CADM2: variants seen among roughly 807,000 people sequenced by gnomAD.
The protein encoded by CADM2 is immunoglobulin superfamily member 4D.
Under a neutral mutation model 49.8 loss-of-function variants are expected in CADM2, and 12 were observed. The observed-to-expected ratio is 0.24, with a 90% CI of 0.15 to 0.39. The LOEUF is 0.39. CADM2 is among the 10% of genes least tolerant of loss of function. The pLI, the probability that CADM2 is intolerant of heterozygous loss-of-function variation, is 1.00. For synonymous variants in CADM2, 214 were observed against 175.4 expected (o/e 1.22, Z -1.74); for missense variants, 378 against 492.3 (o/e 0.77, Z 2.20).
chr3:85,068,541 G>C (rs1300697121), intron 1 of CADM2, among the ~76,000 whole-genome samples: 1 of 152,140 alleles, frequency 6.6e-6, no homozygotes, highest in Non-Finnish European at 1.5e-5. Context: ...GGCCTATTTA[G>C]TCAGACAGTA....
chr3:85,016,842 A>C (rs193146337), intron 1 of CADM2, among the ~76,000 whole-genome samples: 1 of 152,226 alleles, frequency 6.6e-6, no homozygotes, highest in African/African-American at 2.4e-5. Flanking sequence ...GAAAAACTCC[A>C]AACTACAGCC....
intron 1 of CADM2, among the ~76,000 whole-genome samples, chr3:85,033,383 A>G (rs2035073442): frequency 6.6e-6 from 1 of 152,188 alleles, no homozygotes; most frequent in African/African-American, 2.4e-5. Flanking sequence ...AGAGACAGAT[A>G]TAACTAAATG....
intron 1 of CADM2, among the ~76,000 whole-genome samples, chr3:85,363,875 T>G (rs562309248): frequency 6.6e-6 from 1 of 151,256 alleles, no homozygotes; most frequent in African/African-American, 2.4e-5. Context: ...CCTCCTAAAG[T>G]GCTGGGATTA....
At chr3:86,042,982 T>A (rs1736153561) in intron 8 of CADM2, among the ~76,000 whole-genome samples, 1 of 152,164 alleles carries the variant, frequency 6.6e-6, no homozygotes, top group East Asian at 1.9e-4. Context: ...CAAAAACCAC[T>A]TGATTACCTC....
In CADM2 at chr3:85,232,278, T is replaced by G. The variant is rs534428213; in HGVS notation, c.61+272610T>G. On this transcript the variant is annotated intron_variant, in intron 1 of 9. Coordinates refer to ENST00000383699, the MANE Select transcript of CADM2 (RefSeq NM_001167675.2). The stretch of plus-strand genomic sequence containing the variant: ...TTTAAAACTGCCAGGGAAAGATCCT[T>G]GGGGACAACATGATCTTGAGCATTT... Among the ~76,000 whole-genome samples, 16 of 152,184 alleles carry G rather than the reference T, an allele frequency of 1.1e-4. 1 individual carries two copies. The highest frequency in any genetic ancestry group is 3.6e-4 in the African/African-American group (15 of 41,552).
intron 1 of CADM2, among the ~76,000 whole-genome samples, chr3:85,562,660 ATC>A (rs1204549481): frequency 6.6e-6 from 1 of 152,090 alleles, no homozygotes; most frequent in Non-Finnish European, 1.5e-5. Flanking sequence ...ACATGCAATC[ATC>A]TCTTTCTCTA....
At chr3:85,235,111 T>G (rs1471080888) in intron 1 of CADM2, among the ~76,000 whole-genome samples, 1 of 152,086 alleles carries the variant, frequency 6.6e-6, no homozygotes, top group Non-Finnish European at 1.5e-5. Context: ...CTACAATCTG[T>G]TAAGGGAGAT....
At position 85,078,686 on chromosome 3, in the gene CADM2, C is replaced by CT. The variant is rs575758969; in HGVS notation, c.61+119028dup. On this transcript the variant is annotated intron_variant, in intron 1 of 9. Coordinates refer to ENST00000383699, the MANE Select transcript of CADM2 (RefSeq NM_001167675.2). ...GAAATGCCCCATTCTTTCTTTCTTT[C>CT]TTTTTTTTTTCTCTTAAAATGAGCC... is the stretch of plus-strand genomic sequence containing the variant. Among the ~76,000 whole-genome samples the CT allele has an allele frequency of 2.8e-4, 41 of 148,538 alleles. No homozygotes were observed. In the East Asian group the frequency reaches 3.0e-3, roughly 11 times the overall value.
At chr3:85,960,374 A>T (rs1419990946) in intron 7 of CADM2, among the ~76,000 whole-genome samples, 2 of 151,936 alleles carry the variant, frequency 1.3e-5, no homozygotes, top group African/African-American at 4.8e-5. Context: ...CTTTTGAGAA[A>T]ATGATTCCAT....
At chr3:85,362,571 C>A (rs1231589047) in intron 1 of CADM2, among the ~76,000 whole-genome samples, 1 of 152,142 alleles carries the variant, frequency 6.6e-6, no homozygotes, top group Non-Finnish European at 1.5e-5. Context: ...TTTTCAAAAA[C>A]CTAATGAAAG....
intron 1 of CADM2, among the ~76,000 whole-genome samples, chr3:85,076,269 C>G (rs934018639): frequency 4.6e-5 from 7 of 151,156 alleles, no homozygotes; most frequent in African/African-American, 1.7e-4. Flanking sequence ...ATTCTAGCCA[C>G]TGAACTACTA....
chr3:85,133,754 G>T (rs1383119867), intron 1 of CADM2, among the ~76,000 whole-genome samples: 1 of 152,154 alleles, frequency 6.6e-6, no homozygotes, highest in Admixed American at 6.5e-5. Context: ...TAGACATAAA[G>T]GTTCTCCACG....
At chr3:86,016,271 T>G (rs975585265) in intron 8 of CADM2, among the ~76,000 whole-genome samples, 13 of 152,102 alleles carry the variant, frequency 8.5e-5, no homozygotes, top group African/African-American at 3.1e-4. Flanking sequence ...TACTTGGGAA[T>G]GTATGCAAAC....
intron 1 of CADM2, among the ~76,000 whole-genome samples, chr3:85,202,317 G>A (rs1454914673): frequency 6.6e-6 from 1 of 152,024 alleles, no homozygotes; most frequent in Non-Finnish European, 1.5e-5. Context: ...TTTATCAAAG[G>A]AATAGCTATC....
intron 1 of CADM2, among the ~76,000 whole-genome samples, chr3:85,367,724 A>G (rs544912573): frequency 1.7e-4 from 26 of 151,980 alleles, no homozygotes; most frequent in African/African-American, 6.0e-4. Context: ...TTTCATCCCT[A>G]TGACTTGAAA....
chr3:85,926,654 G>T (rs1719914352), intron 6 of CADM2, among the ~76,000 whole-genome samples: 1 of 148,482 alleles, frequency 6.7e-6, no homozygotes, highest in African/African-American at 2.5e-5. Context: ...CTATCGGGAG[G>T]TTTTTTTTTT....
chr3:84,990,952 C>T (rs2032851869), intron 1 of CADM2, among the ~76,000 whole-genome samples: 1 of 151,832 alleles, frequency 6.6e-6, no homozygotes, highest in South Asian at 2.1e-4. Context: ...ATTTATAGAC[C>T]TGTATAATGG....
intron 1 of CADM2, among the ~76,000 whole-genome samples, chr3:85,037,052 C>T (rs1223721189): frequency 1.3e-5 from 2 of 150,912 alleles, no homozygotes; most frequent in Non-Finnish European, 2.9e-5. Context: ...CGCCTGTAAT[C>T]CCAGCTACTT....
intron 1 of CADM2, among the ~76,000 whole-genome samples, chr3:85,559,857 A>C (rs2107171771): frequency 6.6e-6 from 1 of 152,284 alleles, no homozygotes; most frequent in South Asian, 2.1e-4. Flanking sequence ...ATGTTAATTT[A>C]AATATAAAAT....
Sources: gnomAD v4.1 joint callset for allele counts (sites outside exome capture counted in the v4.1 genomes callset) on GRCh38, gnomAD v4.1.1 for gene constraint, MANE v1.5 for transcripts, NCBI Gene and HGNC (gene_info 2026-07-23, HGNC 2026-07-21) for gene names.